The following SRSF4 variants were observed in gnomAD, a reference collection of about 807,000 sequenced individuals.
SRSF4 encodes the protein serine and arginine rich splicing factor 4.
A neutral mutation model predicts 48.8 loss-of-function variants in SRSF4; 12 were observed. The ratio of observed to expected loss-of-function variants is 0.25; its 90% confidence interval spans 0.16 to 0.40. The LOEUF is 0.40. Among genes scored for constraint, SRSF4 ranks in the 10% least tolerant of loss-of-function variants. SRSF4 has a pLI of 1.00. For synonymous variants in SRSF4, 248 were observed against 232.5 expected, an observed-to-expected ratio of 1.07 and a Z score of -0.61; for missense variants, 466 against 667.1, an observed-to-expected ratio of 0.70 and a Z score of 3.32.
intron 1 of SRSF4, among the ~76,000 whole-genome samples, chr1:29,173,803 G>T (rs1227129952): frequency 6.6e-6 from 1 of 151,828 alleles, no homozygotes; most frequent in Non-Finnish European, 1.5e-5. Flanking sequence ...AAGCCTTAAA[G>T]GCTGCCAAAT....
In SRSF4 at chr1:29,158,590, C is replaced by T. The variant is rs568816927; in HGVS notation, c.363+784G>A. Among the ~76,000 whole-genome samples, 16 of 152,174 alleles carry T rather than the reference C, an allele frequency of 1.1e-4. No individual in the cohort carries two copies. In the East Asian group the frequency reaches 1.4e-3, roughly 13 times the overall value. ...GACTACAGGTGCCCACCACCACGCC[C>T]GGCTAATTTTTGTATCTTTTTAAGT... On this transcript the variant is annotated intron_variant, in intron 3 of 5. Coordinates refer to ENST00000373795, the MANE Select transcript of SRSF4 (RefSeq NM_005626.5).
chr1:29,174,043 G>A (rs187886468), intron 1 of SRSF4, among the ~76,000 whole-genome samples: 1 of 151,608 alleles, frequency 6.6e-6, no homozygotes, highest in South Asian at 2.1e-4. Context: ...ACAAAAATTA[G>A]CGGGGTGTGG....
intron 3 of SRSF4, among the ~76,000 whole-genome samples, chr1:29,156,118 G>C (rs1672495732): frequency 6.6e-6 from 1 of 152,138 alleles, no homozygotes; most frequent in Non-Finnish European, 1.5e-5. Context: ...ACCTTGGGAG[G>C]CCAAGGCCAG....
rs1672578137 is a variant in SRSF4, at chr1:29,160,532, A to G, written c.108-15T>C. On this transcript the variant is annotated splice_polypyrimidine_tract_variant and intron_variant, in intron 1 of 5. Coordinates refer to ENST00000373795, the MANE Select transcript of SRSF4 (RefSeq NM_005626.5). Reference sequence around the variant, plus strand: ...CAAAACCATATCTAGAAGAGAGCAAAGAAAATACTGGTTGGTACCATTTTG... The same window carrying G: ...CAAAACCATATCTAGAAGAGAGCAAGGAAAATACTGGTTGGTACCATTTTG... 1.3e-6 allele frequency: 2 copies of G among 1,592,190 alleles called. No individual in the cohort carries two copies. The highest frequency in any genetic ancestry group is 1.4e-5 in the African/African-American group (1 of 73,394).
chr1:29,168,416 A>C (rs960000621), intron 1 of SRSF4: 1 of 152,142 alleles, frequency 6.6e-6, no homozygotes, highest in African/African-American at 2.4e-5. Context: ...GCTTGACTTA[A>C]TGATACTCTA....
At chr1:29,159,627 C>A in intron 2 of SRSF4, 141 bp from the exon 3 acceptor site, 1 of 463,880 alleles carries the variant, frequency 2.2e-6, no homozygotes, top group Non-Finnish European at 3.8e-6. Context: ...ACCCTTAATT[C>A]TAAAATAGAT....
chr1:29,175,975 G>A (rs925588320), intron 1 of SRSF4, among the ~76,000 whole-genome samples: 5 of 152,008 alleles, frequency 3.3e-5, no homozygotes, highest in Admixed American at 1.3e-4. Context: ...AAAGGTGGCC[G>A]GGCATGGTGG....
intron 3 of SRSF4, among the ~76,000 whole-genome samples, chr1:29,156,131 G>A (rs937790967): frequency 9.9e-5 from 15 of 152,156 alleles, no homozygotes; most frequent in African/African-American, 3.4e-4. Context: ...AAGGCCAGGA[G>A]ATCACCTGAG....
At chr1:29,175,072 A>T (rs943923434) in intron 1 of SRSF4, among the ~76,000 whole-genome samples, 4 of 152,224 alleles carry the variant, frequency 2.6e-5, no homozygotes, top group African/African-American at 9.6e-5. Context: ...AAAACTAAAA[A>T]ACCCAAAATG....
chr1:29,165,929 T>G (rs1407214708), intron 1 of SRSF4: 1 of 152,270 alleles, frequency 6.6e-6, no homozygotes, highest in East Asian at 1.9e-4. Context: ...TCTTTGTATG[T>G]GGACATGACA....
rs371507819 is a variant in SRSF4, at chr1:29,148,441, C to T, written c.1454G>A (p.Arg485Gln). Reference protein sequence around the residue: ...RSRSASRSPSRSRSRSHSRS With the variant: ...RSRSASRSPSQSRSRSHSRS ...CCTTGAGTGGGACCTAGATCTAGATCGGGAGGGCGATCTGGAAGCAGACCT... is the reference window on the plus strand; with the variant it reads ...CCTTGAGTGGGACCTAGATCTAGATTGGGAGGGCGATCTGGAAGCAGACCT... The change falls in exon 6 of 6, where the codon CGA (arginine) becomes CAA (glutamine). Residue 485 changes from arginine (R) to glutamine (Q), a missense_variant. By Grantham distance (43) the Arg-to-Gln change is conservative. Transcript: ENST00000373795. 41 of 1,607,520 alleles carry T rather than the reference C, an allele frequency of 2.6e-5. No individual in the cohort carries two copies. The highest frequency in any genetic ancestry group is 2.4e-4 in the African/African-American group (18 of 74,874).
chr1:29,174,468 G>A (rs1672804474), intron 1 of SRSF4, among the ~76,000 whole-genome samples: 1 of 152,112 alleles, frequency 6.6e-6, no homozygotes, highest in Admixed American at 6.6e-5. Context: ...TTCTGATTAT[G>A]TCCATTAAAT....
At chr1:29,154,246 G>A (rs1385948423) in intron 4 of SRSF4, among the ~76,000 whole-genome samples, 12 of 152,220 alleles carry the variant, frequency 7.9e-5, no homozygotes, top group African/African-American at 2.9e-4. Flanking sequence ...GTTATTTTTA[G>A]TAGAGACAAG....
At chr1:29,162,501 G>C (rs1672614845) in intron 1 of SRSF4, among the ~76,000 whole-genome samples, 1 of 152,192 alleles carries the variant, frequency 6.6e-6, no homozygotes, top group African/African-American at 2.4e-5. Flanking sequence ...TTTATCTCTA[G>C]ATGGATTCAA....
At chr1:29,154,962 C>G (rs752825662) in intron 3 of SRSF4, 52 bp from the exon 4 acceptor site, 9 of 1,502,304 alleles carry the variant, frequency 6.0e-6, no homozygotes, top group Non-Finnish European at 8.2e-6. Context: ...GCTAAAATAT[C>G]TAATGCAATC....
rs1558387768 is a variant in SRSF4 at position 29,154,796 on chromosome 1, A to G, written c.478T>C (p.Leu160=). ...YSDMKRALEK[L]DGTEVNGRKI... The stretch of plus-strand genomic sequence containing the variant: ...CTCCCATTGACTTCAGTTCCATCCA[A>G]CTTTTCCAAAGCTCTTTTCATATCA... The change falls in exon 4 of 6, where the codon TTG becomes CTG. Residue 160 remains leucine (L), a synonymous_variant. Transcript: ENST00000373795. 1 of 1,614,102 alleles carries G rather than the reference A, an allele frequency of 6.2e-7. No individual in the cohort carries two copies. The highest frequency in any genetic ancestry group is 1.7e-5 in the Admixed American group (1 of 60,024).
At chr1:29,150,022 T>C in intron 5 of SRSF4, 81 bp downstream of exon 5, 3 of 1,207,850 alleles carry the variant, frequency 2.5e-6, no homozygotes, top group Non-Finnish European at 3.6e-6. Context: ...AGTGTCTCTT[T>C]GAAAAAAAAA....
At chr1:29,151,959 G>T (rs1672417453) in intron 4 of SRSF4, among the ~76,000 whole-genome samples, 1 of 152,126 alleles carries the variant, frequency 6.6e-6, no homozygotes, top group Non-Finnish European at 1.5e-5. Flanking sequence ...TTTGTTTGAA[G>T]AAACCAATTG....
chr1:29,172,872 G>A (rs1363882030), intron 1 of SRSF4: 1 of 152,020 alleles, frequency 6.6e-6, no homozygotes, highest in Non-Finnish European at 1.5e-5. Context: ...CCAAAAAAAA[G>A]GTAGACAATA....
Sources: gnomAD v4.1 joint callset for allele counts (sites outside exome capture counted in the v4.1 genomes callset) on GRCh38, gnomAD v4.1.1 for gene constraint, MANE v1.5 for transcripts, NCBI Gene and HGNC (gene_info 2026-07-23, HGNC 2026-07-21) for gene names.